The following ADAMTSL1 variants were observed in gnomAD, a reference collection of about 807,000 sequenced individuals.
ADAMTSL1 encodes ADAMTS like 1, also known as ADAMTS-like protein 1.
In ADAMTSL1, 126 loss-of-function variants were observed where a neutral mutation model predicts 201.8. That is an observed-to-expected ratio of 0.62 (90% CI 0.54 to 0.72). The LOEUF is 0.72. ADAMTSL1 is among the 30% of genes least tolerant of loss of function. ADAMTSL1 has a pLI of 0.00. For missense variants in ADAMTSL1, 2,679 were observed against 2,277.8 expected, an observed-to-expected ratio of 1.18 and a Z score of -3.59; for synonymous variants, 1,121 against 903.4, an observed-to-expected ratio of 1.24 and a Z score of -4.32.
chr9:18,194,636 T>G (rs1829100327), intron 2 of ADAMTSL1, among the ~76,000 whole-genome samples: 1 of 152,128 alleles, frequency 6.6e-6, no homozygotes, highest in East Asian at 1.9e-4. Flanking sequence ...TTCTTGCTTT[T>G]TCAACAGTCC....
chr9:18,116,215 T>C (rs140788013), intron 1 of ADAMTSL1, among the ~76,000 whole-genome samples: 1 of 152,276 alleles, frequency 6.6e-6, no homozygotes, highest in East Asian at 1.9e-4. Context: ...TATGGACAAT[T>C]AATGGACTAC....
At chr9:18,152,416 A>G (rs1232956859) in intron 1 of ADAMTSL1, among the ~76,000 whole-genome samples, 5 of 152,074 alleles carry the variant, frequency 3.3e-5, no homozygotes, top group African/African-American at 1.2e-4. Flanking sequence ...GGTTCCATGC[A>G]TGGATTTGGG....
At chr9:18,718,158 C>G in intron 14 of ADAMTSL1, 2 of 825,048 alleles carry the variant, frequency 2.4e-6, no homozygotes. Flanking sequence ...CCCTACAGCT[C>G]TTTCATCTTC....
At chr9:18,316,074 T>G (rs892375827) in intron 2 of ADAMTSL1, among the ~76,000 whole-genome samples, 1 of 152,144 alleles carries the variant, frequency 6.6e-6, no homozygotes. Flanking sequence ...CCCCACAAGC[T>G]GCAAAAACCA....
At chr9:18,273,040 A>G (rs1018888293) in intron 2 of ADAMTSL1, among the ~76,000 whole-genome samples, 11 of 152,304 alleles carry the variant, frequency 7.2e-5, no homozygotes, top group African/African-American at 2.4e-4. Context: ...ATAGACACTC[A>G]TTCTTTTGTG....
chr9:18,655,208 T>C (rs949573540), intron 7 of ADAMTSL1, among the ~76,000 whole-genome samples: 1 of 152,264 alleles, frequency 6.6e-6, no homozygotes, highest in Non-Finnish European at 1.5e-5. Context: ...TACTATCTCC[T>C]TGATTCCTTG....
At chr9:18,532,861 C>A (rs1464319517) in intron 2 of ADAMTSL1, among the ~76,000 whole-genome samples, 1 of 151,328 alleles carries the variant, frequency 6.6e-6, no homozygotes, top group Non-Finnish European at 1.5e-5. Flanking sequence ...CCATTAATTC[C>A]AATTTATTTT....
chr9:17,907,322 G>C (rs1825755637), intron 1 of ADAMTSL1, among the ~76,000 whole-genome samples: 1 of 152,172 alleles, frequency 6.6e-6, no homozygotes, highest in Non-Finnish European at 1.5e-5. Context: ...GGCTTGGGCG[G>C]CGCCGGGGAC....
At chr9:18,142,900 T>G (rs7849137) in intron 1 of ADAMTSL1, among the ~76,000 whole-genome samples, 108,247 of 152,058 alleles carry the variant, frequency 0.71, 39,560 homozygotes, top group Non-Finnish European at 0.8. Context: ...TGAGAATTTG[T>G]TTTCTAGTCT....
intron 1 of ADAMTSL1, among the ~76,000 whole-genome samples, chr9:17,990,881 C>G (rs1299175706): frequency 6.6e-6 from 1 of 152,152 alleles, no homozygotes; most frequent in Non-Finnish European, 1.5e-5. Context: ...TCCTTACCAA[C>G]TTTACCTAGT....
intron 2 of ADAMTSL1, among the ~76,000 whole-genome samples, chr9:18,512,904 T>A (rs1450629707): frequency 6.6e-6 from 1 of 152,228 alleles, no homozygotes; most frequent in Non-Finnish European, 1.5e-5. Context: ...TCATTTTATT[T>A]CTTCAATCTG....
chr9:18,899,468 GAA>G (rs1829869750), intron 26 of ADAMTSL1, among the ~76,000 whole-genome samples: 1 of 152,128 alleles, frequency 6.6e-6, no homozygotes, highest in Non-Finnish European at 1.5e-5. Flanking sequence ...ATATGAAACT[GAA>G]AAAGAGCCCG....
chr9:18,257,057 A>T (rs1831715809), intron 2 of ADAMTSL1, among the ~76,000 whole-genome samples: 1 of 152,180 alleles, frequency 6.6e-6, no homozygotes, highest in Admixed American at 6.5e-5. Context: ...AATTCATCCA[A>T]AAAATAAGCT....
chr9:18,450,288 G>A (rs1419021147), intron 2 of ADAMTSL1, among the ~76,000 whole-genome samples: 4 of 152,046 alleles, frequency 2.6e-5, no homozygotes, highest in Non-Finnish European at 4.4e-5. Context: ...TTACATGATT[G>A]TATACATTTG....
At chr9:18,238,024 C>G (rs1424941204) in intron 2 of ADAMTSL1, among the ~76,000 whole-genome samples, 1 of 152,218 alleles carries the variant, frequency 6.6e-6, no homozygotes, top group Non-Finnish European at 1.5e-5. Flanking sequence ...GCTTCAATGA[C>G]TTTCCCTGAA....
chr9:17,941,395 G>A (rs1214798835), intron 1 of ADAMTSL1, among the ~76,000 whole-genome samples: 3 of 152,118 alleles, frequency 2.0e-5, no homozygotes, highest in Non-Finnish European at 4.4e-5. Flanking sequence ...AAAAGGCTTT[G>A]AGCATTGATC....
At chr9:17,966,867 G>A (rs924052358) in intron 1 of ADAMTSL1, among the ~76,000 whole-genome samples, 2 of 151,938 alleles carry the variant, frequency 1.3e-5, no homozygotes, top group Admixed American at 6.6e-5. Flanking sequence ...AAAGAAAAAG[G>A]GTGTAATATT....
At chr9:18,238,301 T>TA (rs1424245345) in intron 2 of ADAMTSL1, among the ~76,000 whole-genome samples, 1 of 152,204 alleles carries the variant, frequency 6.6e-6, no homozygotes, top group Non-Finnish European at 1.5e-5. Context: ...TCATTACACT[T>TA]ACAGTGACTC....
At chr9:17,939,124 TAC>T (rs745876844) in intron 1 of ADAMTSL1, among the ~76,000 whole-genome samples, 6 of 152,154 alleles carry the variant, frequency 3.9e-5, no homozygotes, top group Non-Finnish European at 7.4e-5. Flanking sequence ...AGCTTATTTA[TAC>T]AGTTTCACAA....
Sources: allele counts gnomAD v4.1 joint callset (sites outside exome capture counted in the v4.1 genomes callset), GRCh38; gene constraint gnomAD v4.1.1; transcripts MANE v1.5; gene names NCBI Gene and HGNC (gene_info 2026-07-23, HGNC 2026-07-21).